Variants in NOL12 observed in about 807,000 individuals in gnomAD.
NOL12 encodes the protein nucleolar protein 12.
NOL12 carries 21 observed loss-of-function variants against 25.2 expected under a neutral mutation model. The observed-to-expected ratio is 0.83, with a 90% CI of 0.59 to 1.20. The LOEUF (loss-of-function observed/expected upper bound fraction) is 1.20. NOL12 is among the 50% of genes most tolerant of loss of function. The pLI is 0.00. For missense variants in NOL12, 286 were observed against 287.6 expected (o/e 0.99, Z 0.04); for synonymous variants, 133 against 113.8 (o/e 1.17, Z -1.08).
Position 37,691,571 on chromosome 22 carries a change from T to A in NOL12, c.*235T>A. On this transcript the variant is annotated 3_prime_UTR_variant, in exon 6 of 6. Coordinates refer to ENST00000359114, the MANE Select transcript of NOL12 (RefSeq NM_024313.3). ...GAGCAGGCCTCCCCCAGGAAGAGCC[T>A]TCAGAGCCACGTGGGGGCATCTTCC... 2.0e-6 allele frequency: 1 copy of A among 488,274 alleles called. No homozygotes were observed. The highest frequency in any genetic ancestry group is 3.5e-6 in the Non-Finnish European group (1 of 282,744). The allele number at this position is 488,274 out of a possible 1,614,324, so 30.2% of individuals were successfully genotyped here.
rs1409710282 is a variant in NOL12 at position 37,692,954 on chromosome 22, G to A, written c.*1618G>A. On this transcript the variant is annotated 3_prime_UTR_variant, in exon 6 of 6. Transcript: ENST00000359114. Reference sequence around the variant, plus strand: ...GTGAGTTCCCCTCAGGGATTGTGCTGAGCGCCTTGGCCTGGCTTCTTGGCT... The same window carrying A: ...GTGAGTTCCCCTCAGGGATTGTGCTAAGCGCCTTGGCCTGGCTTCTTGGCT... 5.4e-6 allele frequency: 2 copies of A among 371,490 alleles called. No homozygotes were observed. The highest frequency in any genetic ancestry group is 7.7e-5 in the East Asian group (2 of 25,922). 23.0% of individuals were successfully genotyped at this position (371,490 alleles called of 1,614,324 possible).
chr22:37,689,562 C>G (rs1195194589), intron 4 of NOL12, among the ~76,000 whole-genome samples: 1 of 152,188 alleles, frequency 6.6e-6, no homozygotes, highest in Non-Finnish European at 1.5e-5. Context: ...TGAAAATATC[C>G]GAAAGTGTCA....
Position 37,692,842 on chromosome 22 carries a change from C to T in NOL12, c.*1506C>T, listed in dbSNP as rs1246137225. On this transcript the variant is annotated 3_prime_UTR_variant, in exon 6 of 6. Coordinates refer to ENST00000359114, the MANE Select transcript of NOL12 (RefSeq NM_024313.3). ...GTGACTGTGCCTCAGTTATGCTGTA[C>T]CTGGGAGTGGGCAGGCCCTCTCCCA... 1.8e-5 allele frequency: 7 copies of T among 397,490 alleles called. No homozygotes were observed. The highest frequency in any genetic ancestry group is 8.9e-6 in the Non-Finnish European group (2 of 225,958). 24.6% of individuals were successfully genotyped at this position (397,490 alleles called of 1,614,324 possible).
At position 37,692,146 on chromosome 22, in the gene NOL12, C is replaced by T. The variant is rs550769406; in HGVS notation, c.*810C>T. ...CCCAGGCGGGCAGATCACTTAAGGT[C>T]GGGAGCTCGAGACCAGCCTGGCCAA... On this transcript the variant is annotated 3_prime_UTR_variant, in exon 6 of 6. Transcript: ENST00000359114. 4 of 177,278 alleles carry T rather than the reference C, an allele frequency of 2.3e-5. No homozygotes were observed. Among genetic ancestry groups the T allele is most frequent in the Non-Finnish European group, 4.7e-5 (4 of 85,082 alleles). The allele number at this position is 177,278 out of a possible 1,614,324, so 11.0% of individuals were successfully genotyped here.
At chr22:37,690,661 C>T in intron 4 of NOL12, 36 bp from the exon 5 acceptor site, 1 of 1,533,956 alleles carries the variant, frequency 6.5e-7, no homozygotes, top group Non-Finnish European at 9.0e-7. Flanking sequence ...CCCCCAGCTA[C>T]TGCTCCATGT....
In NOL12 at chr22:37,693,145, C is replaced by G. The variant is rs1044047271; in HGVS notation, c.*1809C>G. The stretch of plus-strand genomic sequence containing the variant: ...GCTGAGTCCCAGGGGTTCTTGCACA[C>G]AGCAGGGCTCGGGTTTGAATCCAGG... On this transcript the variant is annotated 3_prime_UTR_variant, in exon 6 of 6. Transcript: ENST00000359114. 2 of 158,116 alleles carry G rather than the reference C, an allele frequency of 1.3e-5. No individual in the cohort carries two copies. Among genetic ancestry groups the G allele is most frequent in the Non-Finnish European group, 2.8e-5 (2 of 72,258 alleles). The allele number at this position is 158,116 out of a possible 1,614,324, so 9.8% of individuals were successfully genotyped here.
intron 4 of NOL12, among the ~76,000 whole-genome samples, chr22:37,690,144 C>G (rs1922003357): frequency 6.6e-6 from 1 of 151,994 alleles, no homozygotes; most frequent in African/African-American, 2.4e-5. Context: ...GCACTCCAGC[C>G]TGGGCAAAAA....
chr22:37,692,930 T>G lies in NOL12; in HGVS notation c.*1594T>G, dbSNP rs1922134752. On this transcript the variant is annotated 3_prime_UTR_variant, in exon 6 of 6. Coordinates refer to ENST00000359114, the MANE Select transcript of NOL12 (RefSeq NM_024313.3). ...GTCTGAGGGCTGCACCCGGGTATGG[T>G]GAGTTCCCCTCAGGGATTGTGCTGA... is the stretch of plus-strand genomic sequence containing the variant. 1 of 386,930 alleles carries G rather than the reference T, an allele frequency of 2.6e-6. No homozygotes were observed. Among genetic ancestry groups the G allele is most frequent in the African/African-American group, 2.1e-5 (1 of 48,458 alleles). 24.0% of individuals were successfully genotyped at this position (386,930 alleles called of 1,614,324 possible). A position where few individuals can be genotyped will look rare whatever the true frequency, so the allele number is the denominator to read the frequency against.
intron 3 of NOL12, among the ~76,000 whole-genome samples, 185 bp from the exon 4 acceptor site, chr22:37,688,665 A>G (rs1921927173): frequency 6.6e-6 from 1 of 152,166 alleles, no homozygotes. Flanking sequence ...GGGACCAGCT[A>G]GAGCATGAAG....
intron 1 of NOL12, chr22:37,686,842 C>T (rs1486454210): frequency 2.0e-6 from 2 of 985,320 alleles, no homozygotes; most frequent in Non-Finnish European, 2.4e-6. Flanking sequence ...TTCATTCATT[C>T]GCTCCCTAGA....
At chr22:37,686,535 C>G in intron 1 of NOL12, 60 bp downstream of exon 1, 1 of 1,483,782 alleles carries the variant, frequency 6.7e-7, no homozygotes, top group Non-Finnish European at 8.9e-7. Context: ...AAGGCCAGGT[C>G]TGGGGCCGAG....
rs968972896 is a variant in NOL12, at chr22:37,688,752, A to G, written c.239-98A>G. ...GACCTTGTGGATGCGCTCCACGTCCACAGAGTAGAGGGGGCACTGCACTCC... is the reference window on the plus strand; with the variant it reads ...GACCTTGTGGATGCGCTCCACGTCCGCAGAGTAGAGGGGGCACTGCACTCC... On this transcript the variant is annotated intron_variant, in intron 3 of 5. Transcript: ENST00000359114. 13 of 1,291,536 alleles carry G rather than the reference A, an allele frequency of 1.0e-5. No homozygotes were observed. In the South Asian group the frequency reaches 1.1e-4, roughly 11 times the overall value. 80.0% of individuals were successfully genotyped at this position (1,291,536 alleles called of 1,614,324 possible). A position where few individuals can be genotyped will look rare whatever the true frequency, so the allele number is the denominator to read the frequency against.
intron 4 of NOL12, among the ~76,000 whole-genome samples, chr22:37,690,101 G>A (rs1170311208): frequency 6.6e-6 from 1 of 152,212 alleles, no homozygotes; most frequent in Non-Finnish European, 1.5e-5. Context: ...AACCTGGGAG[G>A]TGGAGGTTGT....
intron 1 of NOL12, chr22:37,686,907 G>C: frequency 1.7e-5 from 17 of 985,456 alleles, no homozygotes; most frequent in Non-Finnish European, 2.0e-5. Context: ...CAGAACCTCT[G>C]AGCCTCAGCG....
chr22:37,687,562 A>C (rs540584986), intron 1 of NOL12, among the ~76,000 whole-genome samples: 1 of 152,146 alleles, frequency 6.6e-6, no homozygotes, highest in African/African-American at 2.4e-5. Flanking sequence ...GGTTCAAGCA[A>C]TTCTCCCCGC....
chr22:37,686,414 A>C lies in NOL12; in HGVS notation c.22A>C (p.Lys8Gln), dbSNP rs141066434. 104 of 1,605,628 alleles carry C rather than the reference A, an allele frequency of 6.5e-5. No homozygotes were observed. The African/African-American group carries it at 1.0e-3, about 16-fold the overall frequency. Residue 8 changes from lysine (K) to glutamine (Q), a missense_variant, in exon 1 of 6, where the codon AAG (lysine) becomes CAG (glutamine). Coordinates refer to ENST00000359114, the MANE Select transcript of NOL12 (RefSeq NM_024313.3). Reference protein sequence around the residue: MGRNKKKKRDGDDRRPRL... With the variant: MGRNKKKQRDGDDRRPRL... ...TGCTATGGGCCGCAACAAGAAGAAG[A>C]AGCGAGATGGTGACGACCGGCGGCC...
chr22:37,690,614 C>G, intron 4 of NOL12, 83 bp from the exon 5 acceptor site: 2 of 971,024 alleles, frequency 2.1e-6, no homozygotes, highest in Admixed American at 2.0e-5. Flanking sequence ...CCACCACTTG[C>G]CAGAGCCATG....
intron 4 of NOL12, among the ~76,000 whole-genome samples, chr22:37,689,246 G>T (rs1295653976): frequency 1.3e-5 from 2 of 152,254 alleles, no homozygotes; most frequent in African/African-American, 4.8e-5. Flanking sequence ...CTGCTGAGCG[G>T]CTGAGGAGCT....
Position 37,692,619 on chromosome 22 carries a change from T to G in NOL12, c.*1283T>G, listed in dbSNP as rs761653753. Reference sequence around the variant, plus strand: ...GACCACAAAGGGGAGTGAACTGTGTTCCCAGGGCTTGCTGACGCCCGTGGA... The same window carrying G: ...GACCACAAAGGGGAGTGAACTGTGTGCCCAGGGCTTGCTGACGCCCGTGGA... On this transcript the variant is annotated 3_prime_UTR_variant, in exon 6 of 6. Coordinates refer to ENST00000359114, the MANE Select transcript of NOL12 (RefSeq NM_024313.3). 1.0e-5 allele frequency: 4 copies of G among 398,622 alleles called. No homozygotes were observed. The highest frequency in any genetic ancestry group is 1.8e-5 in the Non-Finnish European group (4 of 226,162). 24.7% of individuals were successfully genotyped at this position (398,622 alleles called of 1,614,324 possible). A position where few individuals can be genotyped will look rare whatever the true frequency, so the allele number is the denominator to read the frequency against.
Sources: allele counts gnomAD v4.1 joint callset (sites outside exome capture counted in the v4.1 genomes callset), GRCh38; gene constraint gnomAD v4.1.1; transcripts MANE v1.5; gene names NCBI Gene and HGNC (gene_info 2026-07-23, HGNC 2026-07-21).